C1orf105: variants seen among roughly 807,000 people sequenced by gnomAD.
The protein encoded by C1orf105 is chromosome 1 open reading frame 105.
A neutral mutation model predicts 20.8 loss-of-function variants in C1orf105; 17 were observed. The observed-to-expected ratio is 0.82, with a 90% CI of 0.56 to 1.23. C1orf105 has a LOEUF of 1.23. Among genes scored for constraint, C1orf105 ranks in the 50% most tolerant of loss-of-function variants. The pLI is 0.00. For synonymous variants in C1orf105, 72 were observed against 72.1 expected (o/e 1.00, Z 0.01); for missense variants, 219 against 213.5 (o/e 1.03, Z -0.16).
chr1:172,424,933 G>C (rs1285174542), intron 1 of C1orf105, among the ~76,000 whole-genome samples: 1 of 152,130 alleles, frequency 6.6e-6, no homozygotes, highest in African/African-American at 2.4e-5. Flanking sequence ...AAGGCCACAG[G>C]GCCAGCCTGG....
chr1:172,422,523 T>G (rs909096702), intron 1 of C1orf105, among the ~76,000 whole-genome samples: 2 of 152,024 alleles, frequency 1.3e-5, no homozygotes, highest in African/African-American at 4.8e-5. Context: ...AACTCCGAAA[T>G]GCACTGGCTT....
chr1:172,452,688 A>G (rs1043840721), intron 3 of C1orf105: 1 of 730,796 alleles, frequency 1.4e-6, no homozygotes, highest in African/African-American at 1.9e-5. Context: ...GATGTTTCCA[A>G]TTGTCAAATG....
At chr1:172,453,092 G>A (rs1465747682) in intron 3 of C1orf105, 1 of 1,550,832 alleles carries the variant, frequency 6.4e-7, no homozygotes, top group South Asian at 1.2e-5. Context: ...GCCTGTCACA[G>A]CTGCCTTCCA....
chr1:172,457,439 A>T (rs900644652), intron 4 of C1orf105, among the ~76,000 whole-genome samples: 3 of 152,228 alleles, frequency 2.0e-5, no homozygotes, highest in African/African-American at 7.2e-5. Flanking sequence ...GTCCAGTCGG[A>T]TGTGAAAGAG....
chr1:172,468,517 GC>G lies in C1orf105; in HGVS notation c.477del (p.Tyr160ThrfsTer4). ...TAVFHGLLTE[A>X]YKTLKERQRS... Reference sequence around the variant, plus strand: ...TGTCTTCCACGGATTACTGACAGAGGCCTACAAAACTCTAAAAGAGAGACAA... The same window carrying G: ...TGTCTTCCACGGATTACTGACAGAGGCTACAAAACTCTAAAAGAGAGACAA... On this transcript the variant is annotated frameshift_variant, in exon 7 of 7. Transcript: ENST00000367727. LOFTEE classifies it low-confidence loss of function (END_TRUNC). 1 of 1,613,974 alleles carries G rather than the reference GC, an allele frequency of 6.2e-7. No individual in the cohort carries two copies. Among genetic ancestry groups the G allele is most frequent in the Non-Finnish European group, 8.5e-7 (1 of 1,179,926 alleles).
intron 1 of C1orf105, among the ~76,000 whole-genome samples, chr1:172,434,358 G>A (rs556676263): frequency 5.3e-5 from 8 of 152,246 alleles, no homozygotes; most frequent in Non-Finnish European, 8.8e-5. Context: ...TGGAAGTAAA[G>A]CACTCCTCAG....
At position 172,465,280 on chromosome 1, in the gene C1orf105, T is replaced by G. The variant is rs1282419147; in HGVS notation, c.342-19T>G. ...CCCTAGCCAATTGACTAATGTGTTT[T>G]CTTGTTTCTTCCAATCAGAATGAGT... is the stretch of plus-strand genomic sequence containing the variant. On this transcript the variant is annotated intron_variant, in intron 5 of 6. Transcript: ENST00000367727. 1.3e-6 allele frequency: 2 copies of G among 1,589,830 alleles called. No individual in the cohort carries two copies. Among genetic ancestry groups the G allele is most frequent in the Admixed American group, 3.4e-5 (2 of 59,596 alleles).
intron 1 of C1orf105, 92 bp from the exon 2 acceptor site, chr1:172,444,981 T>C (rs1647808351): frequency 2.0e-6 from 2 of 993,244 alleles, no homozygotes; most frequent in Admixed American, 4.1e-5. Flanking sequence ...AAGTGTTCAC[T>C]ATATGGCTGC....
chr1:172,451,679 G>C (rs1351100358), intron 3 of C1orf105, among the ~76,000 whole-genome samples: 3 of 151,714 alleles, frequency 2.0e-5, no homozygotes, highest in Non-Finnish European at 4.4e-5. Context: ...GTAGGGATAT[G>C]GATATTATTT....
intron 5 of C1orf105, among the ~76,000 whole-genome samples, chr1:172,463,397 A>G (rs556927939): frequency 1.3e-5 from 2 of 152,186 alleles, no homozygotes; most frequent in Non-Finnish European, 2.9e-5. Context: ...TTATGACCTT[A>G]GGGCCATTTG....
Position 172,448,449 on chromosome 1 carries a change from A to T in C1orf105, c.116A>T (p.His39Leu), listed in dbSNP as rs1648256326. 2 of 1,609,146 alleles carry T rather than the reference A, an allele frequency of 1.2e-6. No individual in the cohort carries two copies. The highest frequency in any genetic ancestry group is 1.7e-6 in the Non-Finnish European group (2 of 1,175,596). The change falls in exon 3 of 7, where the codon CAT becomes CTT. Residue 39 changes from histidine to leucine, a missense_variant. Coordinates refer to ENST00000367727, the MANE Select transcript of C1orf105 (RefSeq NM_139240.4). Reference sequence around the variant, plus strand: ...TTGTTTTAATTACTTAGATATCCTCATACCTCTGCGACTTTTCTGACTTCA... The same window carrying T: ...TTGTTTTAATTACTTAGATATCCTCTTACCTCTGCGACTTTTCTGACTTCA... ...LVLSLPRRYP[H>L]TSATFLTSSK...
intron 3 of C1orf105, among the ~76,000 whole-genome samples, chr1:172,454,437 A>C (rs933466463): frequency 2.0e-5 from 3 of 151,816 alleles, no homozygotes; most frequent in Non-Finnish European, 2.9e-5. Context: ...GCTTCAGGGG[A>C]TATCACCCCC....
At chr1:172,459,359 C>T (rs1325652503) in intron 4 of C1orf105, among the ~76,000 whole-genome samples, 1 of 152,110 alleles carries the variant, frequency 6.6e-6, no homozygotes, top group Non-Finnish European at 1.5e-5. Flanking sequence ...AAGGCAAACA[C>T]TCTAGTTGAA....
intron 3 of C1orf105, among the ~76,000 whole-genome samples, chr1:172,451,867 CTTTTTTTT>C (rs11462736): frequency 1.2e-5 from 1 of 85,196 alleles, no homozygotes; most frequent in African/African-American, 4.8e-5. Context: ...TATATGGATT[CTTTTTTTT>C]TTTTTTTTTT....
At chr1:172,467,742 A>G (rs1650164248) in intron 6 of C1orf105, among the ~76,000 whole-genome samples, 1 of 152,184 alleles carries the variant, frequency 6.6e-6, no homozygotes, top group African/African-American at 2.4e-5. Flanking sequence ...AGCTTGTTCC[A>G]GAGAATTCAG....
intron 3 of C1orf105, among the ~76,000 whole-genome samples, chr1:172,455,219 A>T (rs1332148199): frequency 2.0e-5 from 3 of 152,150 alleles, no homozygotes; most frequent in Admixed American, 1.3e-4. Flanking sequence ...ACCCCCCATG[A>T]TGCATCACCT....
chr1:172,461,584 C>T (rs758238045), intron 4 of C1orf105, among the ~76,000 whole-genome samples: 7 of 152,170 alleles, frequency 4.6e-5, no homozygotes, highest in Non-Finnish European at 1.0e-4. Flanking sequence ...TGTAACTGTA[C>T]ATTGATTTTA....
At chr1:172,449,868 G>A (rs1026118771) in intron 3 of C1orf105, among the ~76,000 whole-genome samples, 2 of 152,186 alleles carry the variant, frequency 1.3e-5, no homozygotes, top group African/African-American at 4.8e-5. Flanking sequence ...TCAAGTCGCT[G>A]TGAACTTCCT....
At chr1:172,460,951 G>C (rs927106792) in intron 4 of C1orf105, among the ~76,000 whole-genome samples, 2 of 152,202 alleles carry the variant, frequency 1.3e-5, no homozygotes, top group African/African-American at 2.4e-5. Context: ...AATAGCGCTA[G>C]CTGGATTTAG....
Sources: gnomAD v4.1 joint callset for allele counts (sites outside exome capture counted in the v4.1 genomes callset) on GRCh38, gnomAD v4.1.1 for gene constraint, MANE v1.5 for transcripts, NCBI Gene and HGNC (gene_info 2026-07-23, HGNC 2026-07-21) for gene names.